The following ARFGEF1 variants were observed in gnomAD, a reference collection of about 807,000 sequenced individuals.
ARFGEF1 encodes ARF guanine nucleotide exchange factor 1.
In ARFGEF1, 42 loss-of-function variants were observed where a neutral mutation model predicts 231.0. The observed-to-expected ratio is 0.18, with a 90% CI of 0.14 to 0.24. The LOEUF is 0.24. Ranked by LOEUF, ARFGEF1 falls within the 10% of genes least tolerant of loss-of-function variation. The pLI, the probability that ARFGEF1 is intolerant of heterozygous loss-of-function variation, is 1.00. For missense variants in ARFGEF1, 1,345 were observed against 2,192.0 expected (o/e 0.61, Z 7.72); for synonymous variants, 710 against 732.3 (o/e 0.97, Z 0.49).
At chr8:67,324,541 C>T (rs1807742198) in intron 1 of ARFGEF1, among the ~76,000 whole-genome samples, 1 of 152,170 alleles carries the variant, frequency 6.6e-6, no homozygotes, top group South Asian at 2.1e-4. Flanking sequence ...GTTCCTGACC[C>T]ATGACCCTAC....
chr8:67,284,537 A>G (rs1397576801), intron 7 of ARFGEF1, among the ~76,000 whole-genome samples: 1 of 152,246 alleles, frequency 6.6e-6, no homozygotes, highest in Non-Finnish European at 1.5e-5. Flanking sequence ...TTAGTAGGAT[A>G]TATTTAAGGA....
chr8:67,335,778 G>A (rs1045843312), intron 1 of ARFGEF1, among the ~76,000 whole-genome samples: 9 of 150,130 alleles, frequency 6.0e-5, no homozygotes, highest in African/African-American at 1.7e-4. Context: ...ACGGACTCTC[G>A]CACTGTCTCT....
intron 1 of ARFGEF1, among the ~76,000 whole-genome samples, chr8:67,319,118 TTGAC>T (rs1351540022): frequency 6.6e-6 from 1 of 152,232 alleles, no homozygotes; most frequent in African/African-American, 2.4e-5. Context: ...ATCAAGTTCA[TTGAC>T]TGAAAGTATA....
chr8:67,311,618 G>T (rs1014075343), intron 1 of ARFGEF1, among the ~76,000 whole-genome samples: 1 of 149,766 alleles, frequency 6.7e-6, no homozygotes, highest in Non-Finnish European at 1.5e-5. Context: ...GAGGTGGGGG[G>T]GTCAGCCCCC....
downstream of ARFGEF1, chr8:67,195,525 G>A (rs201972175): frequency 3.1e-6 from 5 of 1,614,078 alleles, no homozygotes; most frequent in Non-Finnish European, 3.4e-6. Context: ...GCTGAACCAG[G>A]AGCAGCAGCA....
chr8:67,280,519 A>G (rs780639732), intron 7 of ARFGEF1, among the ~76,000 whole-genome samples: 3 of 152,254 alleles, frequency 2.0e-5, no homozygotes, highest in Non-Finnish European at 4.4e-5. Flanking sequence ...GAATGATGCC[A>G]GCTTAAGATT....
intron 1 of ARFGEF1, among the ~76,000 whole-genome samples, chr8:67,312,291 C>G (rs1433993346): frequency 7.0e-6 from 1 of 141,946 alleles, no homozygotes; most frequent in Non-Finnish European, 1.6e-5. Flanking sequence ...CCCCAGAAAA[C>G]TAAAGACAAA....
chr8:67,197,856 T>C lies in ARFGEF1; in HGVS notation c.*1078A>G, dbSNP rs1019343621. On this transcript the variant is annotated 3_prime_UTR_variant, in exon 39 of 39. Coordinates refer to ENST00000262215, the MANE Select transcript of ARFGEF1 (RefSeq NM_006421.5). ...GTTAATACGGAATGCTTGACAATCT[T>C]GTCTTTTAACCATCAGAGCACAATT... 1 of 985,902 alleles carries C rather than the reference T, an allele frequency of 1.0e-6. No individual in the cohort carries two copies. The highest frequency in any genetic ancestry group is 1.2e-6 in the Non-Finnish European group (1 of 829,940). The allele number at this position is 985,902 out of a possible 1,614,324, so 61.1% of individuals were successfully genotyped here.
At chr8:67,196,806 G>A (rs537032002), downstream of ARFGEF1, among the ~76,000 whole-genome samples, 2 of 152,228 alleles carry the variant, frequency 1.3e-5, no homozygotes, top group African/African-American at 2.4e-5. Flanking sequence ...ACCCTCACAC[G>A]GCAAGGTCAC....
chr8:67,311,602 GGGA>G (rs1472100401), intron 1 of ARFGEF1, among the ~76,000 whole-genome samples: 1 of 148,838 alleles, frequency 6.7e-6, no homozygotes, highest in Non-Finnish European at 1.5e-5. Flanking sequence ...CGCCTCGTCC[GGGA>G]GGGAGGTGGG....
At chr8:67,235,082 A>G (rs747150389) in intron 22 of ARFGEF1, among the ~76,000 whole-genome samples, 7 of 145,678 alleles carry the variant, frequency 4.8e-5, no homozygotes, top group African/African-American at 1.9e-4. Context: ...ATATATATAT[A>G]TATGTGTGTG....
At chr8:67,181,813 A>G (rs1341611365) in intron 5 of ARFGEF1, among the ~76,000 whole-genome samples, 1 of 152,128 alleles carries the variant, frequency 6.6e-6, no homozygotes. Flanking sequence ...CTTCATATGA[A>G]ACAGTAATTC....
At chr8:67,267,902 T>A (rs1002349960) in intron 10 of ARFGEF1, among the ~76,000 whole-genome samples, 17 of 152,164 alleles carry the variant, frequency 1.1e-4, no homozygotes, top group Non-Finnish European at 2.5e-4. Context: ...ATAAAAACAA[T>A]CTAAGTCTCA....
At chr8:67,240,130 A>C in intron 20 of ARFGEF1, 32 bp downstream of exon 20, 1 of 1,602,762 alleles carries the variant, frequency 6.2e-7, no homozygotes, top group Admixed American at 1.8e-5. Flanking sequence ...TTAATGTTCC[A>C]AACTGGCTAC....
chr8:67,274,810 G>A (rs1805244425), intron 9 of ARFGEF1, among the ~76,000 whole-genome samples: 1 of 152,096 alleles, frequency 6.6e-6, no homozygotes, highest in Admixed American at 6.5e-5. Flanking sequence ...CTTTCTCAAA[G>A]TAGGTCTTCA....
intron 4 of ARFGEF1, among the ~76,000 whole-genome samples, 170 bp downstream of exon 4, chr8:67,299,039 C>T (rs1183726330): frequency 6.6e-6 from 1 of 152,182 alleles, no homozygotes; most frequent in Non-Finnish European, 1.5e-5. Context: ...CCAACTTGGC[C>T]TCCCAAAGTG....
rs1838196153 is a variant in ARFGEF1, at chr8:67,198,549, A to G, written c.*385T>C. 1.0e-6 allele frequency: 1 copy of G among 994,758 alleles called. No homozygotes were observed. Among genetic ancestry groups the G allele is most frequent in the Non-Finnish European group, 1.2e-6 (1 of 836,400 alleles). 61.6% of individuals were successfully genotyped at this position (994,758 alleles called of 1,614,324 possible). ...CCCACTCCCCAATTATAAACATTTTATCCTTCAAAATACAGCTCTCCTGAG... is the reference window on the plus strand; with the variant it reads ...CCCACTCCCCAATTATAAACATTTTGTCCTTCAAAATACAGCTCTCCTGAG... On this transcript the variant is annotated 3_prime_UTR_variant, in exon 39 of 39. Transcript: ENST00000262215.
At chr8:67,183,348 T>C (rs1833516875) in intron 5 of ARFGEF1, among the ~76,000 whole-genome samples, 1 of 152,154 alleles carries the variant, frequency 6.6e-6, no homozygotes, top group South Asian at 2.1e-4. Context: ...GAACCCATAT[T>C]CTTCTCAGGG....
intron 1 of ARFGEF1, among the ~76,000 whole-genome samples, chr8:67,325,096 A>G (rs1048565654): frequency 1.4e-4 from 21 of 152,076 alleles, no homozygotes; most frequent in Admixed American, 1.4e-3. Flanking sequence ...TATTTTTAGT[A>G]GATACGGGGT....
Sources: gnomAD v4.1 joint callset for allele counts (sites outside exome capture counted in the v4.1 genomes callset) on GRCh38, gnomAD v4.1.1 for gene constraint, MANE v1.5 for transcripts, NCBI Gene and HGNC (gene_info 2026-07-23, HGNC 2026-07-21) for gene names.